The following ZNF717 variants were observed in gnomAD, a reference collection of about 807,000 sequenced individuals.
ZNF717 encodes the protein zinc finger protein 717, also known as krueppel-like factor X17.
A neutral mutation model predicts 13.8 loss-of-function variants in ZNF717; 9 were observed. The observed-to-expected ratio is 0.65, with a 90% CI of 0.39 to 1.14. The LOEUF (loss-of-function observed/expected upper bound fraction) is 1.14, where lower values mean the gene tolerates loss of function less well. Among genes scored for constraint, ZNF717 ranks in the 50% most tolerant of loss-of-function variants. The probability of loss-of-function intolerance (pLI) is 0.01; values close to 1 mark genes in which losing one functional copy is unlikely to be tolerated. For missense variants in ZNF717, 1,040 were observed against 1,080.7 expected (o/e 0.96, Z 0.53); for synonymous variants, 327 against 364.1 (o/e 0.90, Z 1.16).
At chr3:75,779,822 T>C (rs1261678777) in intron 2 of ZNF717, among the ~76,000 whole-genome samples, 1 of 146,628 alleles carries the variant, frequency 6.8e-6, no homozygotes, top group East Asian at 2.1e-4. Context: ...AGTGTCGTGC[T>C]AAACCAGAAA....
intron 4 of ZNF717, among the ~76,000 whole-genome samples, chr3:75,739,588 T>C (rs1940077543): frequency 6.6e-6 from 1 of 152,224 alleles, no homozygotes. Flanking sequence ...TCTTTTTTAT[T>C]TCACAAAGAA....
chr3:75,752,651 T>C (rs1172763874), intron 2 of ZNF717, among the ~76,000 whole-genome samples: 1 of 129,964 alleles, frequency 7.7e-6, no homozygotes, highest in East Asian at 2.3e-4. Flanking sequence ...TTTAATCACA[T>C]AGGATTCCAG....
At chr3:75,767,305 C>T (rs371526826) in intron 2 of ZNF717, among the ~76,000 whole-genome samples, 8 of 43,974 alleles carry the variant, frequency 1.8e-4, no homozygotes, top group East Asian at 5.1e-4. Context: ...CAATCCAGCT[C>T]GGCTGCTGCC....
rs1202977348 is a variant in ZNF717, at chr3:75,738,968, T to A, written c.655A>T (p.Asn219Tyr). 1.3e-6 allele frequency: 2 copies of A among 1,551,492 alleles called. No individual in the cohort carries two copies. The highest frequency in any genetic ancestry group is 3.9e-5 in the Admixed American group (2 of 50,984). Residue 219 changes from asparagine to tyrosine, a missense_variant, in exon 5 of 5, where the codon AAC becomes TAC. Physicochemically the swap from Asn to Tyr is moderately radical, Grantham distance 143. Transcript: ENST00000652011. The stretch of plus-strand genomic sequence containing the variant: ...TGTATAAAGAACATTGCCTCCGTGT[T>A]GAAGGTTTTCCCTTGTTCATTACAT... ...FQCNEQGKTF[N>Y]TEAMFFIHKR...
chr3:75,735,488 G>GTGCATACCTGTAGTCCTAGCTAAT (rs1939051463), downstream of ZNF717, among the ~76,000 whole-genome samples: 4 of 48,246 alleles, frequency 8.3e-5, no homozygotes, highest in South Asian at 8.8e-4. Context: ...AGGTATTGTG[G>GTGCATACCTGTAGTCCTAGCTAAT]TGCATACTTG....
downstream of ZNF717, among the ~76,000 whole-genome samples, chr3:75,727,543 G>C (rs1210944024): frequency 3.3e-5 from 5 of 152,158 alleles, no homozygotes; most frequent in South Asian, 2.1e-4. Context: ...CGCTCTGGGA[G>C]TGTCTGTCTT....
intron 2 of ZNF717, among the ~76,000 whole-genome samples, chr3:75,782,743 A>G (rs574407250): frequency 2.1e-4 from 32 of 152,196 alleles, no homozygotes; most frequent in Middle Eastern, 3.4e-3. Flanking sequence ...ACTGCACAAC[A>G]TGCCGTGCTT....
intron 2 of ZNF717, among the ~76,000 whole-genome samples, chr3:75,743,295 A>C (rs1324289309): frequency 6.6e-6 from 1 of 152,230 alleles, no homozygotes; most frequent in Non-Finnish European, 1.5e-5. Context: ...ATGACAAGAA[A>C]AATTTCTGCA....
downstream of ZNF717, among the ~76,000 whole-genome samples, chr3:75,731,758 A>T (rs74407906): frequency 6.6e-6 from 1 of 152,168 alleles, no homozygotes; most frequent in African/African-American, 2.4e-5. Context: ...TAAAAAAAAA[A>T]TTTAAATAAA....
intron 2 of ZNF717, among the ~76,000 whole-genome samples, chr3:75,769,315 CA>C (rs1484705231): frequency 1.3e-5 from 2 of 152,196 alleles, no homozygotes; most frequent in East Asian, 3.9e-4. Flanking sequence ...GTGCTGGCCA[CA>C]AAGAGAGGGC....
intron 2 of ZNF717, among the ~76,000 whole-genome samples, chr3:75,762,254 C>T (rs1943096671): frequency 6.6e-6 from 1 of 151,814 alleles, no homozygotes; most frequent in Admixed American, 6.6e-5. Flanking sequence ...GTCTGGTCAA[C>T]ATGGAGAAAC....
chr3:75,705,022 A>G (rs1409066195), downstream of ZNF717, among the ~76,000 whole-genome samples: 1 of 152,296 alleles, frequency 6.6e-6, no homozygotes, highest in African/African-American at 2.4e-5. Context: ...CTTTTATGAC[A>G]ACCCTCTGCA....
intron 2 of ZNF717, among the ~76,000 whole-genome samples, chr3:75,775,058 T>G (rs952954496): frequency 3.3e-5 from 5 of 152,064 alleles, no homozygotes; most frequent in African/African-American, 1.2e-4. Context: ...ACCTCCTGGG[T>G]TCAAGCGATT....
At chr3:75,723,529 G>T (rs1325480537) in intron 4 of ZNF717, among the ~76,000 whole-genome samples, 1 of 152,240 alleles carries the variant, frequency 6.6e-6, no homozygotes, top group African/African-American at 2.4e-5. Context: ...ATAATCATTA[G>T]TTTGTAGCAT....
intron 2 of ZNF717, among the ~76,000 whole-genome samples, chr3:75,755,856 A>G (rs1942425589): frequency 6.6e-6 from 1 of 152,280 alleles, no homozygotes; most frequent in African/African-American, 2.4e-5. Context: ...GAAAACAGTA[A>G]CAAACACAGT....
chr3:75,705,391 G>A (rs1575712993), downstream of ZNF717, among the ~76,000 whole-genome samples: 1 of 152,300 alleles, frequency 6.6e-6, no homozygotes. Flanking sequence ...ATGTTTGATG[G>A]AGGAAAAGAC....
At chr3:75,761,775 C>T (rs1943037739) in intron 2 of ZNF717, among the ~76,000 whole-genome samples, 1 of 152,212 alleles carries the variant, frequency 6.6e-6, no homozygotes, top group African/African-American at 2.4e-5. Flanking sequence ...CAGTGGCTCA[C>T]GCTTATAATC....
chr3:75,759,332 G>A (rs1292623544), intron 2 of ZNF717, among the ~76,000 whole-genome samples: 1 of 149,712 alleles, frequency 6.7e-6, no homozygotes, highest in African/African-American at 2.5e-5. Flanking sequence ...CCATAGTGCA[G>A]TGGCGTGATC....
At chr3:75,773,339 C>T (rs1380478320) in intron 2 of ZNF717, among the ~76,000 whole-genome samples, 1 of 152,238 alleles carries the variant, frequency 6.6e-6, no homozygotes, top group African/African-American at 2.4e-5. Flanking sequence ...CAAAGTCTTA[C>T]AGAAACGGCA....
Sources: allele counts gnomAD v4.1 joint callset (sites outside exome capture counted in the v4.1 genomes callset), GRCh38; gene constraint gnomAD v4.1.1; transcripts MANE v1.5; gene names NCBI Gene and HGNC (gene_info 2026-07-23, HGNC 2026-07-21).